Variants in ILDR2 observed in about 807,000 individuals in gnomAD.
ILDR2 encodes the protein immunoglobulin-like domain-containing receptor 2.
A neutral mutation model predicts 66.8 loss-of-function variants in ILDR2; 25 were observed. The observed-to-expected ratio is 0.37, with a 90% CI of 0.27 to 0.52. The LOEUF is 0.52. ILDR2 is among the 20% of genes least tolerant of loss of function. The pLI is 0.88. For missense variants in ILDR2, 827 were observed against 876.8 expected (o/e 0.94, Z 0.72); for synonymous variants, 367 against 357.2 (o/e 1.03, Z -0.31).
chr1:166,934,384 CTTT>C (rs1373566396), intron 6 of ILDR2, among the ~76,000 whole-genome samples: 1 of 152,170 alleles, frequency 6.6e-6, no homozygotes, highest in Non-Finnish European at 1.5e-5. Flanking sequence ...CTCATTATTT[CTTT>C]CACAGTGTCT....
chr1:166,896,930 C>T lies in ILDR2; in HGVS notation n.172-829G>A, dbSNP rs555673194. On this transcript the variant is annotated intron_variant and non_coding_transcript_variant, in intron 2 of 2. Coordinates refer to the ILDR2 transcript ENST00000414590. ...GATTACAGGTGTGAGCCACCATGCCCAGCCTACTTTTTTTACTTTAAAAAA... is the reference window on the plus strand; with the variant it reads ...GATTACAGGTGTGAGCCACCATGCCTAGCCTACTTTTTTTACTTTAAAAAA... 6.6e-5 allele frequency among the ~76,000 whole-genome samples: 10 copies of T among 152,292 alleles called. No homozygotes were observed. In the East Asian group the frequency reaches 1.9e-3, roughly 29 times the overall value.
chr1:166,923,640 C>A (rs906478276), intron 7 of ILDR2, among the ~76,000 whole-genome samples: 74 of 152,270 alleles, frequency 4.9e-4, no homozygotes, highest in African/African-American at 1.7e-3. Context: ...TGGCCCCAGC[C>A]CAAAAATACA....
intron 6 of ILDR2, among the ~76,000 whole-genome samples, chr1:166,929,717 T>G (rs1445345420): frequency 6.6e-6 from 1 of 152,134 alleles, no homozygotes; most frequent in African/African-American, 2.4e-5. Context: ...TATGTGTGTT[T>G]GTAATGAATG....
intron 3 of ILDR2, among the ~76,000 whole-genome samples, chr1:166,955,614 C>G (rs1301719983): frequency 6.6e-6 from 1 of 151,984 alleles, no homozygotes. Context: ...AAAATAAAAT[C>G]AAATAAAATA....
chr1:166,941,172 G>A (rs1220377525), intron 3 of ILDR2, among the ~76,000 whole-genome samples: 1 of 152,208 alleles, frequency 6.6e-6, no homozygotes, highest in African/African-American at 2.4e-5. Context: ...AAGGAAGTAT[G>A]GGATGGGTGA....
chr1:166,952,521 T>C (rs1662039617), intron 3 of ILDR2, among the ~76,000 whole-genome samples: 1 of 152,202 alleles, frequency 6.6e-6, no homozygotes, highest in Admixed American at 6.5e-5. Flanking sequence ...TCACATATCT[T>C]TGGATATTTC....
At chr1:166,940,927 C>A (rs2101919591) in intron 3 of ILDR2, among the ~76,000 whole-genome samples, 1 of 152,280 alleles carries the variant, frequency 6.6e-6, no homozygotes, top group Non-Finnish European at 1.5e-5. Flanking sequence ...TCTATCAAGT[C>A]ACCCACAGAA....
intron 1 of ILDR2, among the ~76,000 whole-genome samples, chr1:166,973,969 A>G (rs1275140011): frequency 6.6e-6 from 1 of 152,186 alleles, no homozygotes; most frequent in African/African-American, 2.4e-5. Flanking sequence ...GCAATGAAGA[A>G]TCTTATTCTG....
rs1483947937 is a variant in ILDR2, at chr1:166,920,573, A to T, written c.1884+134T>A. On this transcript the variant is annotated intron_variant, in intron 9 of 9. Coordinates refer to ENST00000271417, the MANE Select transcript of ILDR2 (RefSeq NM_199351.3). ...CATCCGCGGACGAACTCGCCCAGGC[A>T]GGCCCCTGCGGCCTCTCCGGCAAGG... The T allele has an allele frequency of 9.9e-6, 10 of 1,008,580 alleles. No individual in the cohort carries two copies. In the Admixed American group the frequency reaches 1.7e-4, roughly 17 times the overall value. 62.5% of individuals were successfully genotyped at this position (1,008,580 alleles called of 1,614,324 possible).
intron 3 of ILDR2, among the ~76,000 whole-genome samples, chr1:166,956,034 A>G (rs566380130): frequency 6.6e-6 from 1 of 152,358 alleles, no homozygotes. Context: ...TTTCAGTTTC[A>G]TACAGAGGTC....
rs1235326796 is a variant in ILDR2 at position 166,921,064 on chromosome 1, G to A, written c.1527C>T (p.His509=). The A allele has an allele frequency of 6.7e-7, 1 of 1,493,876 alleles. No individual in the cohort carries two copies. The highest frequency in any genetic ancestry group is 8.8e-7 in the Non-Finnish European group (1 of 1,132,080). The allele number at this position is 1,493,876 out of a possible 1,614,324, so 92.5% of individuals were successfully genotyped here. A position where few individuals can be genotyped will look rare whatever the true frequency, so the allele number is the denominator to read the frequency against. Reference sequence around the variant, plus strand: ...GCGTGCGGCTCACCAGCCGCGGCAGGTGCGCGTCCTCGGCGGGTCTGCGGC... The same window carrying A: ...GCGTGCGGCTCACCAGCCGCGGCAGATGCGCGTCCTCGGCGGGTCTGCGGC... ...PARRRPAEDA[H]LPRLVSRTPG... The change falls in exon 9 of 10, where the codon CAC becomes CAT. Residue 509 remains histidine, a synonymous_variant. Transcript: ENST00000271417. The surrounding 1 kb of genome is among the most constrained non-coding windows in gnomAD (Gnocchi z 5.3).
chr1:166,924,742 C>G (rs934604189), intron 7 of ILDR2, among the ~76,000 whole-genome samples: 1 of 152,140 alleles, frequency 6.6e-6, no homozygotes, highest in Non-Finnish European at 1.5e-5. Flanking sequence ...GGGCTGGGCA[C>G]GGTAGCTCAT....
downstream of ILDR2, among the ~76,000 whole-genome samples, chr1:166,907,764 C>T (rs1383207881): frequency 6.6e-6 from 1 of 152,010 alleles, no homozygotes; most frequent in Non-Finnish European, 1.5e-5. Flanking sequence ...TGACATAGCC[C>T]TATTCTTCCA....
intron 3 of ILDR2, among the ~76,000 whole-genome samples, chr1:166,945,812 T>G (rs1238019864): frequency 6.6e-6 from 1 of 152,248 alleles, no homozygotes; most frequent in East Asian, 1.9e-4. Context: ...TTCTTTAAAC[T>G]TATTAAGTTG....
At chr1:166,924,929 T>G (rs555201896) in intron 7 of ILDR2, among the ~76,000 whole-genome samples, 19 of 151,924 alleles carry the variant, frequency 1.3e-4, no homozygotes, top group Admixed American at 5.9e-4. Context: ...GGTGGAAGGA[T>G]CCCTTGAGCC....
chr1:166,957,328 G>A (rs1370229592), intron 2 of ILDR2, among the ~76,000 whole-genome samples: 1 of 152,180 alleles, frequency 6.6e-6, no homozygotes, highest in African/African-American at 2.4e-5. Context: ...CTGGGGCTTG[G>A]GCCAAGCATC....
chr1:166,939,737 T>C (rs933644716), intron 3 of ILDR2, among the ~76,000 whole-genome samples, 167 bp from the exon 4 acceptor site: 2 of 152,216 alleles, frequency 1.3e-5, no homozygotes, highest in African/African-American at 2.4e-5. Context: ...GAGAATGACT[T>C]TCCCTGTCAA....
intron 3 of ILDR2, among the ~76,000 whole-genome samples, chr1:166,950,368 C>T (rs1661900200): frequency 1.3e-5 from 2 of 152,134 alleles, no homozygotes; most frequent in Non-Finnish European, 2.9e-5. Context: ...CGTCAAATCT[C>T]CTTGGTTAGC....
rs1435297556 is a variant in ILDR2, at chr1:166,945,092, T to C, written c.500-5522A>G. Reference sequence around the variant, plus strand: ...TGACTTTATCAACCTCAGGTGGAAGTAGGCTTTTAATGAAAATATGAAAGA... The same window carrying C: ...TGACTTTATCAACCTCAGGTGGAAGCAGGCTTTTAATGAAAATATGAAAGA... On this transcript the variant is annotated intron_variant, in intron 3 of 9. Transcript: ENST00000271417. 4.6e-5 allele frequency among the ~76,000 whole-genome samples: 7 copies of C among 152,208 alleles called. No individual in the cohort carries two copies. The East Asian group carries it at 1.3e-3, about 29-fold the overall frequency.
Sources: allele counts gnomAD v4.1 joint callset (sites outside exome capture counted in the v4.1 genomes callset), GRCh38; gene constraint gnomAD v4.1.1; non-coding constraint Gnocchi (gnomAD v3.1); transcripts MANE v1.5; gene names NCBI Gene and HGNC (gene_info 2026-07-23, HGNC 2026-07-21).